KSR2: variants seen among roughly 807,000 people sequenced by gnomAD.
KSR2 encodes kinase suppressor of ras 2.
In KSR2, 25 loss-of-function variants were observed where a neutral mutation model predicts 107.8. That is an observed-to-expected ratio of 0.23 (90% CI 0.17 to 0.32). KSR2 has a LOEUF of 0.32. Among genes scored for constraint, KSR2 ranks in the 10% least tolerant of loss-of-function variants. The probability of loss-of-function intolerance (pLI) is 1.00; values close to 1 mark genes in which losing one functional copy is unlikely to be tolerated. For missense variants in KSR2, 887 were observed against 1,268.9 expected (o/e 0.70, Z 4.57); for synonymous variants, 480 against 507.0 (o/e 0.95, Z 0.71).
chr12:117,646,728 C>G (rs893036181), intron 5 of KSR2, among the ~76,000 whole-genome samples: 4 of 152,172 alleles, frequency 2.6e-5, no homozygotes, highest in Admixed American at 2.6e-4. Flanking sequence ...CCATCTGCCC[C>G]CTCCTTCTCA....
rs372757522 is a variant in KSR2, at chr12:117,730,325, A to G, written c.986+30686T>C. ...AAACCTACCTCGTGGGATGCTATAA[A>G]CTGATACTATATATAAGGCACTTAG... On this transcript the variant is annotated intron_variant, in intron 4 of 19. Coordinates refer to ENST00000339824, the MANE Select transcript of KSR2 (RefSeq NM_173598.6). Among the ~76,000 whole-genome samples, 13 of 152,248 alleles carry G rather than the reference A, an allele frequency of 8.5e-5. No individual in the cohort carries two copies. In the South Asian group the frequency reaches 1.7e-3, roughly 20 times the overall value.
intron 5 of KSR2, among the ~76,000 whole-genome samples, chr12:117,661,782 G>A (rs1884441487): frequency 6.6e-6 from 1 of 152,126 alleles, no homozygotes; most frequent in South Asian, 2.1e-4. Context: ...AACACACTTG[G>A]AGAACCCCCG....
chr12:117,845,108 T>C (rs376109327), intron 3 of KSR2, among the ~76,000 whole-genome samples: 193 of 152,278 alleles, frequency 1.3e-3, no homozygotes, highest in African/African-American at 4.4e-3. Context: ...ATAGCACCAC[T>C]GCACTCCAGC....
In KSR2 at chr12:117,897,025, C is replaced by A. The variant is rs1894535013; in HGVS notation, c.181-36594G>T. 6.6e-6 allele frequency among the ~76,000 whole-genome samples: 1 copy of A among 152,164 alleles called. No homozygotes were observed. ...TGTGCCAAGCAGGGCAGTGATACTT[C>A]ATCTGCCTAACCAGGAGGTGTTAGA... On this transcript the variant is annotated intron_variant, in intron 1 of 19. Coordinates refer to ENST00000339824, the MANE Select transcript of KSR2 (RefSeq NM_173598.6). The surrounding 1 kb of genome is among the most constrained non-coding windows in gnomAD (Gnocchi z 4.5).
intron 4 of KSR2, among the ~76,000 whole-genome samples, chr12:117,752,306 G>T (rs184992622): frequency 6.6e-6 from 1 of 152,278 alleles, no homozygotes; most frequent in Non-Finnish European, 1.5e-5. Flanking sequence ...AACTACACAC[G>T]TCTGAACACA....
intron 3 of KSR2, among the ~76,000 whole-genome samples, chr12:117,846,540 C>T (rs1240325657): frequency 3.9e-5 from 6 of 152,074 alleles, no homozygotes; most frequent in African/African-American, 7.2e-5. Context: ...TGGACTCAAG[C>T]GATCCTCCTG....
intron 3 of KSR2, among the ~76,000 whole-genome samples, chr12:117,794,258 T>TGCACTC (rs1890487593): frequency 5.6e-5 from 1 of 17,964 alleles, no homozygotes; most frequent in African/African-American, 2.9e-4. Context: ...CATGCACACA[T>TGCACTC]ACACCAACAT....
chr12:117,475,286 T>C (rs1018760928), intron 17 of KSR2, among the ~76,000 whole-genome samples: 7 of 152,226 alleles, frequency 4.6e-5, no homozygotes, highest in Non-Finnish European at 8.8e-5. Flanking sequence ...CTTTAAGTCC[T>C]TGCAGGATTG....
chr12:117,676,434 T>C (rs114562209), intron 4 of KSR2, among the ~76,000 whole-genome samples: 2,262 of 152,118 alleles, frequency 0.015, 55 homozygotes, highest in African/African-American at 0.051. Context: ...TATAATTTCA[T>C]AGTAATTATT....
At chr12:117,892,125 C>T (rs1894365027) in intron 1 of KSR2, among the ~76,000 whole-genome samples, 1 of 152,046 alleles carries the variant, frequency 6.6e-6, no homozygotes, top group African/African-American at 2.4e-5. Flanking sequence ...ATGATGAAAC[C>T]CCGTCTCTAC....
intron 1 of KSR2, among the ~76,000 whole-genome samples, chr12:117,947,182 GAAAGAAAA>G (rs1193451596): frequency 9.3e-6 from 1 of 107,910 alleles, no homozygotes; most frequent in African/African-American, 3.6e-5. Flanking sequence ...AAGAAAGAAA[GAAAGAAAA>G]GAAAGAAAAG....
chr12:117,482,258 A>G (rs933527020), intron 16 of KSR2, among the ~76,000 whole-genome samples: 1 of 151,982 alleles, frequency 6.6e-6, no homozygotes, highest in African/African-American at 2.4e-5. Context: ...CAGCTGTGTG[A>G]ATGTGGAAGC....
At chr12:117,661,755 T>C (rs1884440276) in intron 5 of KSR2, among the ~76,000 whole-genome samples, 1 of 152,128 alleles carries the variant, frequency 6.6e-6, no homozygotes, top group Non-Finnish European at 1.5e-5. Context: ...CTGCTGCTGC[T>C]GGTGATGGTG....
At chr12:117,545,735 T>A (rs1876816106) in intron 9 of KSR2, among the ~76,000 whole-genome samples, 1 of 152,178 alleles carries the variant, frequency 6.6e-6, no homozygotes, top group African/African-American at 2.4e-5. Context: ...TGCCTTCCTG[T>A]GAGTTAAACA....
chr12:117,761,581 T>C, intron 3 of KSR2, 57 bp from the exon 4 acceptor site: 1 of 1,545,158 alleles, frequency 6.5e-7, no homozygotes, highest in African/African-American at 1.4e-5. Context: ...GCCAGGTGAG[T>C]TACACCATAC....
At chr12:117,469,399 A>G (rs1871307812) in intron 19 of KSR2, among the ~76,000 whole-genome samples, 1 of 152,182 alleles carries the variant, frequency 6.6e-6, no homozygotes, top group Non-Finnish European at 1.5e-5. Flanking sequence ...TCATCGGGGC[A>G]TCAATCTTCA....
chr12:117,789,205 C>T lies in KSR2; in HGVS notation c.473-27681G>A, dbSNP rs536823528. 1.1e-3 allele frequency among the ~76,000 whole-genome samples: 166 copies of T among 152,304 alleles called. 1 individual carries two copies. Among genetic ancestry groups the T allele is most frequent in the Non-Finnish European group, 1.8e-3 (121 of 68,022 alleles). On this transcript the variant is annotated intron_variant, in intron 3 of 19. Coordinates refer to ENST00000339824, the MANE Select transcript of KSR2 (RefSeq NM_173598.6). ...GCACCTATAATTCTGACCTTTTCTT[C>T]TCACTCCGTAAAATGGTAGGTGGAT... is the stretch of plus-strand genomic sequence containing the variant.
At chr12:117,733,073 A>C (rs1050463480) in intron 4 of KSR2, among the ~76,000 whole-genome samples, 11 of 152,162 alleles carry the variant, frequency 7.2e-5, no homozygotes, top group African/African-American at 2.7e-4. Flanking sequence ...AATAGGAAGA[A>C]AGGGGCTCAG....
At chr12:117,695,054 T>C (rs1243754326) in intron 4 of KSR2, among the ~76,000 whole-genome samples, 2 of 152,080 alleles carry the variant, frequency 1.3e-5, no homozygotes, top group Non-Finnish European at 2.9e-5. Flanking sequence ...TTTCACCATG[T>C]TGGCCAGGAT....
Sources: gnomAD v4.1 joint callset for allele counts (sites outside exome capture counted in the v4.1 genomes callset) on GRCh38, gnomAD v4.1.1 for gene constraint, Gnocchi (gnomAD v3.1) non-coding constraint, MANE v1.5 for transcripts, NCBI Gene and HGNC (gene_info 2026-07-23, HGNC 2026-07-21) for gene names.